TMEM135: variants seen among roughly 807,000 people sequenced by gnomAD.
TMEM135 encodes transmembrane protein 135, also known as peroxisomal membrane protein 52.
Under a neutral mutation model 60.3 loss-of-function variants are expected in TMEM135, and 30 were observed. The observed-to-expected ratio is 0.50, with a 90% CI of 0.37 to 0.68. The LOEUF (loss-of-function observed/expected upper bound fraction) is 0.68, where lower values mean the gene tolerates loss of function less well. TMEM135 is among the 30% of genes least tolerant of loss of function. The pLI is 0.00. For synonymous variants in TMEM135, 190 were observed against 186.7 expected (o/e 1.02, Z -0.14); for missense variants, 468 against 548.8 (o/e 0.85, Z 1.47).
At chr11:87,185,500 A>G (rs1939628362) in intron 5 of TMEM135, among the ~76,000 whole-genome samples, 2 of 144,330 alleles carry the variant, frequency 1.4e-5, no homozygotes, top group South Asian at 2.3e-4. Context: ...GATTAAATTC[A>G]TATGTGGTGT....
chr11:87,213,951 G>A (rs1054316056), intron 5 of TMEM135, among the ~76,000 whole-genome samples: 41 of 152,156 alleles, frequency 2.7e-4, no homozygotes, highest in African/African-American at 9.7e-4. Context: ...GTATATAAGT[G>A]AACCATAACT....
intron 1 of TMEM135, among the ~76,000 whole-genome samples, chr11:87,044,115 C>A (rs539175583): frequency 3.3e-4 from 50 of 152,216 alleles, no homozygotes; most frequent in African/African-American, 1.2e-3. Flanking sequence ...AATATTTACT[C>A]CCTTTGAACC....
intron 6 of TMEM135, among the ~76,000 whole-genome samples, chr11:87,238,714 A>G (rs950682376): frequency 6.6e-6 from 1 of 152,082 alleles, no homozygotes; most frequent in African/African-American, 2.4e-5. Context: ...TATTCCAAAA[A>G]GTTCACATAG....
chr11:87,210,888 T>G (rs1940353529), intron 5 of TMEM135, among the ~76,000 whole-genome samples: 2 of 152,138 alleles, frequency 1.3e-5, no homozygotes, highest in Non-Finnish European at 2.9e-5. Flanking sequence ...GGATTAAGAA[T>G]GAAAACAATG....
intron 11 of TMEM135, 52 bp from the exon 12 acceptor site, chr11:87,314,419 A>C (rs1263166284): frequency 6.8e-7 from 1 of 1,468,344 alleles, no homozygotes; most frequent in Non-Finnish European, 9.5e-7. Context: ...ATGACATAAT[A>C]ACAAATAAAT....
intron 5 of TMEM135, among the ~76,000 whole-genome samples, chr11:87,184,085 G>A (rs1290210023): frequency 6.6e-6 from 1 of 151,004 alleles, no homozygotes; most frequent in Admixed American, 6.6e-5. Context: ...ATTTTAGAAT[G>A]TTTTAACTTC....
At chr11:87,259,102 C>T (rs1430574442) in intron 6 of TMEM135, 3 of 947,850 alleles carry the variant, frequency 3.2e-6, no homozygotes, top group Non-Finnish European at 5.1e-6. Flanking sequence ...GCAGACCGGA[C>T]CCTCTTCGGA....
intron 4 of TMEM135, among the ~76,000 whole-genome samples, chr11:87,116,614 AACAC>A (rs200638026): frequency 1.5e-5 from 2 of 130,024 alleles, no homozygotes; most frequent in African/African-American, 5.5e-5. Context: ...TATATGTACA[AACAC>A]ACACACACAC....
At chr11:87,066,052 G>C (rs1261844554) in intron 1 of TMEM135, among the ~76,000 whole-genome samples, 2 of 152,166 alleles carry the variant, frequency 1.3e-5, no homozygotes, top group Non-Finnish European at 2.9e-5. Flanking sequence ...AGTTTCAGAG[G>C]CTTGAAGAGG....
chr11:87,232,046 G>T (rs929222199), intron 5 of TMEM135, among the ~76,000 whole-genome samples: 1 of 151,860 alleles, frequency 6.6e-6, no homozygotes, highest in Non-Finnish European at 1.5e-5. Context: ...TGTTTCCTGG[G>T]TTCAAGCAAT....
At chr11:87,040,617 A>G (rs1189216029) in intron 1 of TMEM135, among the ~76,000 whole-genome samples, 3 of 151,428 alleles carry the variant, frequency 2.0e-5, no homozygotes, top group African/African-American at 7.3e-5. Context: ...AGCTGAGATC[A>G]TGCCATTGCA....
At position 87,322,384 on chromosome 11, in the gene TMEM135, A is replaced by G. The variant is rs1419256476; in HGVS notation, c.*1051A>G. 6.6e-6 allele frequency: 3 copies of G among 453,812 alleles called. No homozygotes were observed. Among genetic ancestry groups the G allele is most frequent in the African/African-American group, 6.0e-5 (3 of 49,916 alleles). 28.1% of individuals were successfully genotyped at this position (453,812 alleles called of 1,614,324 possible). The stretch of plus-strand genomic sequence containing the variant: ...GTCACTAATTCCATTCAGGTTCTCC[A>G]ACCTTCTTCTTGAATATCATTGTCA... On this transcript the variant is annotated 3_prime_UTR_variant, in exon 15 of 15. Transcript: ENST00000305494.
intron 6 of TMEM135, among the ~76,000 whole-genome samples, chr11:87,268,264 TA>T: frequency 1.8e-5 from 1 of 56,978 alleles, no homozygotes; most frequent in East Asian, 2.5e-4. Flanking sequence ...GATATTTATT[TA>T]TTTATTTATT....
intron 5 of TMEM135, among the ~76,000 whole-genome samples, chr11:87,171,205 T>C (rs1454403372): frequency 6.6e-6 from 1 of 152,162 alleles, no homozygotes; most frequent in African/African-American, 2.4e-5. Flanking sequence ...AAGTAACATT[T>C]GTTGAATGCC....
chr11:87,047,312 G>T (rs1014120549), intron 1 of TMEM135, among the ~76,000 whole-genome samples: 3 of 152,158 alleles, frequency 2.0e-5, no homozygotes, highest in African/African-American at 7.2e-5. Context: ...TTTGGGAGGA[G>T]CCAAGATGGC....
chr11:87,302,488 A>G (rs372431948), intron 8 of TMEM135, 46 bp downstream of exon 8: 124 of 1,611,544 alleles, frequency 7.7e-5, no homozygotes, highest in Non-Finnish European at 1.0e-4. Flanking sequence ...TCACTGTTTC[A>G]TATGATATTT....
Position 87,157,860 on chromosome 11 carries a change from G to A in TMEM135, c.462+454G>A, listed in dbSNP as rs112878386. ...AAAAAAGCTGGAGAGGATTTTGTCT[G>A]CAGATGCTAAGTTTTGACTTTTTAA... On this transcript the variant is annotated intron_variant, in intron 5 of 14. Coordinates refer to ENST00000305494, the MANE Select transcript of TMEM135 (RefSeq NM_022918.4). 497 of 156,310 alleles carry A rather than the reference G, an allele frequency of 3.2e-3. 3 individuals carry two copies. Among genetic ancestry groups the A allele is most frequent in the Admixed American group, 0.011 (169 of 15,730 alleles). The allele number at this position is 156,310 out of a possible 1,614,324, so 9.7% of individuals were successfully genotyped here.
At chr11:87,285,696 A>C (rs1344999966) in intron 6 of TMEM135, among the ~76,000 whole-genome samples, 1 of 152,230 alleles carries the variant, frequency 6.6e-6, no homozygotes, top group Non-Finnish European at 1.5e-5. Context: ...TATTGCAAAG[A>C]GCGAAAGAAC....
intron 5 of TMEM135, among the ~76,000 whole-genome samples, chr11:87,216,574 CATTT>C (rs1940506342): frequency 2.0e-5 from 3 of 152,230 alleles, no homozygotes; most frequent in East Asian, 1.9e-4. Context: ...TTTCTGCATT[CATTT>C]GTTTTACTAA....
Sources: gnomAD v4.1 joint callset for allele counts (sites outside exome capture counted in the v4.1 genomes callset) on GRCh38, gnomAD v4.1.1 for gene constraint, MANE v1.5 for transcripts, NCBI Gene and HGNC (gene_info 2026-07-23, HGNC 2026-07-21) for gene names.